GAS2L3: variants seen among roughly 807,000 people sequenced by gnomAD.
GAS2L3 encodes the protein GAS2-like protein 3.
GAS2L3 carries 28 observed loss-of-function variants against 37.0 expected under a neutral mutation model. The observed-to-expected ratio is 0.76, with a 90% CI of 0.56 to 1.04. GAS2L3 has a LOEUF of 1.04. Ranked by LOEUF, GAS2L3 falls within the 50% of genes least tolerant of loss-of-function variation. GAS2L3 has a pLI of 0.00. For synonymous variants in GAS2L3, 290 were observed against 296.6 expected, an observed-to-expected ratio of 0.98 and a Z score of 0.23; for missense variants, 793 against 817.6, an observed-to-expected ratio of 0.97 and a Z score of 0.37.
rs1456432683 is a variant in GAS2L3, at chr12:100,601,735, C to A, written c.285C>A (p.Cys95Ter). The stretch of plus-strand genomic sequence containing the variant: ...TTCTTCAAAACATGGTGAAAACATG[C>A]AACTCTGAAGAATCAGGGGTAAGTA... ...IDVLQNMVKT[C>*]NSEESGNFPM... Residue 95 changes from cysteine to a stop codon, truncating the protein, a stop_gained, in exon 5 of 10, where the codon TGC becomes TGA. Coordinates refer to ENST00000547754, the MANE Select transcript of GAS2L3 (RefSeq NM_174942.3). LOFTEE classifies it high-confidence loss of function. 5 of 1,576,596 alleles carry A rather than the reference C, an allele frequency of 3.2e-6. No individual in the cohort carries two copies. Among genetic ancestry groups the A allele is most frequent in the Non-Finnish European group, 4.3e-6 (5 of 1,149,648 alleles).
chr12:100,597,542 TC>T (rs1955928977), intron 3 of GAS2L3, among the ~76,000 whole-genome samples: 1 of 152,102 alleles, frequency 6.6e-6, no homozygotes, highest in Non-Finnish European at 1.5e-5. Flanking sequence ...CATTGCCCAA[TC>T]CCTACCTTAA....
rs1593157106 is a variant in GAS2L3, at chr12:100,579,663, A to C, written c.-152+5878A>C. ...AGTTCAAGGACATATTTTTCTTAAT[A>C]CCTCCCTTACTGAAGCATTCTGCAT... On this transcript the variant is annotated intron_variant, in intron 1 of 9. Coordinates refer to ENST00000547754, the MANE Select transcript of GAS2L3 (RefSeq NM_174942.3). 5.1e-6 allele frequency: 4 copies of C among 779,200 alleles called. No individual in the cohort carries two copies. In the Admixed American group the frequency reaches 6.8e-5, roughly 13 times the overall value. 48.3% of individuals were successfully genotyped at this position (779,200 alleles called of 1,614,324 possible).
At chr12:100,618,394 G>A in intron 7 of GAS2L3, 55 bp from the exon 8 acceptor site, 1 of 1,541,734 alleles carries the variant, frequency 6.5e-7, no homozygotes, top group Admixed American at 2.0e-5. Flanking sequence ...TTGATATGCA[G>A]GCAAGTACTG....
At chr12:100,589,532 C>T (rs181149149) in intron 1 of GAS2L3, among the ~76,000 whole-genome samples, 2 of 152,040 alleles carry the variant, frequency 1.3e-5, no homozygotes, top group Non-Finnish European at 2.9e-5. Flanking sequence ...CAATCCCCAT[C>T]GAAATACCAC....
At chr12:100,574,613 A>G (rs1286404417) in intron 1 of GAS2L3, among the ~76,000 whole-genome samples, 6 of 152,210 alleles carry the variant, frequency 3.9e-5, no homozygotes, top group African/African-American at 9.6e-5. Flanking sequence ...GTGGCATGGC[A>G]TGGTGGAATA....
chr12:100,574,286 A>G (rs1021269736), intron 1 of GAS2L3, among the ~76,000 whole-genome samples: 4 of 152,132 alleles, frequency 2.6e-5, no homozygotes, highest in African/African-American at 9.7e-5. Context: ...AGAGAAAGAG[A>G]CAGACAGTTA....
At chr12:100,585,715 T>C (rs1293964436) in intron 1 of GAS2L3, among the ~76,000 whole-genome samples, 2 of 152,204 alleles carry the variant, frequency 1.3e-5, no homozygotes, top group Admixed American at 1.3e-4. Flanking sequence ...CCCCATCATC[T>C]CTGACAGTTG....
intron 1 of GAS2L3, among the ~76,000 whole-genome samples, chr12:100,589,174 T>G (rs1258770612): frequency 6.6e-6 from 1 of 152,224 alleles, no homozygotes; most frequent in South Asian, 2.1e-4. Flanking sequence ...TATGTTCGTC[T>G]GCTGCGGCTC....
rs974864205 is a variant in GAS2L3, at chr12:100,625,905, A to G, written c.*1015A>G. On this transcript the variant is annotated 3_prime_UTR_variant, in exon 10 of 10. Transcript: ENST00000547754. ...TACCAATTTTAATTAATTTCTTCCA[A>G]TTAGGTTACTTTTCTTTAATAAAGT... is the stretch of plus-strand genomic sequence containing the variant. The G allele has an allele frequency of 7.2e-5, 11 of 152,124 alleles. No individual in the cohort carries two copies. The highest frequency in any genetic ancestry group is 2.2e-4 in the African/African-American group (9 of 41,430). The allele number at this position is 152,124 out of a possible 1,614,324, so 9.4% of individuals were successfully genotyped here. A position where few individuals can be genotyped will look rare whatever the true frequency, so the allele number is the denominator to read the frequency against.
At chr12:100,615,582 A>T (rs1405360078) in intron 6 of GAS2L3, among the ~76,000 whole-genome samples, 1 of 152,000 alleles carries the variant, frequency 6.6e-6, no homozygotes, top group African/African-American at 2.4e-5. Context: ...AAAGTCATAT[A>T]TATTTTTAAC....
chr12:100,592,265 G>T (rs1229576203), intron 2 of GAS2L3: 1 of 152,072 alleles, frequency 6.6e-6, no homozygotes, highest in African/African-American at 2.4e-5. Context: ...GTGGCTGAGG[G>T]CTGAATGGAT....
intron 1 of GAS2L3, among the ~76,000 whole-genome samples, chr12:100,582,720 C>G (rs1955728985): frequency 6.6e-6 from 1 of 152,156 alleles, no homozygotes; most frequent in Non-Finnish European, 1.5e-5. Context: ...TAACAAATTA[C>G]CACAAATTTA....
chr12:100,599,639 C>G (rs1327137875), intron 3 of GAS2L3, among the ~76,000 whole-genome samples: 4 of 152,042 alleles, frequency 2.6e-5, no homozygotes, highest in Admixed American at 1.3e-4. Context: ...TTACAAAATG[C>G]CATTTATGCT....
rs1956299109 is a variant in GAS2L3, at chr12:100,624,150, GC to G, written c.1348del (p.Gln450ArgfsTer25). The stretch of plus-strand genomic sequence containing the variant: ...TACCCCCAAGGCCAAGGTTATTCCA[GC>G]CCAGAATTCAGCAGATCTGCCCGAG... ...PNTPKAKVIP[A>X]QNSADLPEST... On this transcript the variant is annotated frameshift_variant, in exon 10 of 10. Coordinates refer to ENST00000547754, the MANE Select transcript of GAS2L3 (RefSeq NM_174942.3). LOFTEE classifies it low-confidence loss of function (END_TRUNC). 1 of 1,611,382 alleles carries G rather than the reference GC, an allele frequency of 6.2e-7. No individual in the cohort carries two copies. The highest frequency in any genetic ancestry group is 1.4e-5 in the African/African-American group (1 of 73,984).
At chr12:100,595,016 AT>A (rs1955893282) in intron 3 of GAS2L3, 94 bp downstream of exon 3, 1 of 533,422 alleles carries the variant, frequency 1.9e-6, no homozygotes, top group African/African-American at 2.0e-5. Flanking sequence ...CAGTGTTCTT[AT>A]TGTGCTAGTT....
At chr12:100,617,905 C>T in intron 7 of GAS2L3, 98 bp downstream of exon 7, 2 of 683,868 alleles carry the variant, frequency 2.9e-6, no homozygotes, top group Non-Finnish European at 5.0e-6. Context: ...TAAAAAAATG[C>T]TTTAAATGAA....
intron 5 of GAS2L3, among the ~76,000 whole-genome samples, chr12:100,603,607 T>A (rs1956020036): frequency 6.6e-6 from 1 of 152,160 alleles, no homozygotes; most frequent in Non-Finnish European, 1.5e-5. Context: ...AGGTGTTGTT[T>A]CCTTTACTGT....
In GAS2L3 at chr12:100,618,538, C is replaced by T; in HGVS notation, c.599C>T (p.Ser200Phe). Residue 200 changes from serine to phenylalanine, a missense_variant, in exon 8 of 10, where the codon TCC (serine) becomes TTC (phenylalanine). Coordinates refer to ENST00000547754, the MANE Select transcript of GAS2L3 (RefSeq NM_174942.3). The stretch of plus-strand genomic sequence containing the variant: ...CTTAATACTTCTGGGCCTGAAGATT[C>T]CATCAGCATTCCAAAATCATGCTGT... ...TLLNTSGPED[S>F]ISIPKSCCRH... 6.2e-7 allele frequency: 1 copy of T among 1,612,432 alleles called. No homozygotes were observed. The highest frequency in any genetic ancestry group is 8.5e-7 in the Non-Finnish European group (1 of 1,179,286).
At chr12:100,577,330 A>G (rs979147992) in intron 1 of GAS2L3, among the ~76,000 whole-genome samples, 1 of 152,150 alleles carries the variant, frequency 6.6e-6, no homozygotes, top group Non-Finnish European at 1.5e-5. Flanking sequence ...GTCCCCATAC[A>G]TTCTTTTAAT....
Sources: allele counts gnomAD v4.1 joint callset (sites outside exome capture counted in the v4.1 genomes callset), GRCh38; gene constraint gnomAD v4.1.1; transcripts MANE v1.5; gene names NCBI Gene and HGNC (gene_info 2026-07-23, HGNC 2026-07-21).